Variants in SDC2 observed in about 807,000 individuals in gnomAD.
SDC2 encodes syndecan-2.
Under a neutral mutation model 22.2 loss-of-function variants are expected in SDC2, and 13 were observed. The observed-to-expected ratio is 0.59, with a 90% CI of 0.38 to 0.93. The LOEUF is 0.93. SDC2 is among the 40% of genes least tolerant of loss of function. The probability of loss-of-function intolerance (pLI) is 0.00; values close to 1 mark genes in which losing one functional copy is unlikely to be tolerated. For missense variants in SDC2, 235 were observed against 246.8 expected (o/e 0.95, Z 0.32); for synonymous variants, 94 against 92.8 (o/e 1.01, Z -0.07).
chr8:96,551,271 A>G (rs1814021973), intron 1 of SDC2, among the ~76,000 whole-genome samples: 1 of 152,154 alleles, frequency 6.6e-6, no homozygotes, highest in African/African-American at 2.4e-5. Context: ...ACTAAGTGGG[A>G]TTGAGAGAAA....
chr8:96,583,302 A>G (rs1814622264), intron 1 of SDC2, among the ~76,000 whole-genome samples: 1 of 147,064 alleles, frequency 6.8e-6, no homozygotes. Flanking sequence ...AATATACAAT[A>G]TATATGATAT....
intron 1 of SDC2, among the ~76,000 whole-genome samples, chr8:96,511,727 A>G (rs1464739991): frequency 2.0e-5 from 3 of 152,062 alleles, no homozygotes; most frequent in Admixed American, 2.0e-4. Flanking sequence ...TTTGGTTCAG[A>G]TAATGGAAGA....
At chr8:96,588,161 G>A (rs143754499) in intron 1 of SDC2, among the ~76,000 whole-genome samples, 33 of 152,270 alleles carry the variant, frequency 2.2e-4, no homozygotes, top group Non-Finnish European at 2.6e-4. Flanking sequence ...CAAGAGCTTC[G>A]GGCTCCAGTT....
intron 1 of SDC2, among the ~76,000 whole-genome samples, chr8:96,539,864 C>T (rs1249868191): frequency 2.0e-5 from 3 of 152,112 alleles, no homozygotes; most frequent in Non-Finnish European, 4.4e-5. Flanking sequence ...TAATTTAACC[C>T]TTACCTACCC....
intron 1 of SDC2, among the ~76,000 whole-genome samples, chr8:96,514,507 G>A (rs1030380994): frequency 2.0e-5 from 3 of 152,188 alleles, no homozygotes; most frequent in African/African-American, 7.2e-5. Flanking sequence ...CATGACCCAT[G>A]TGTCATAGTG....
intron 2 of SDC2, among the ~76,000 whole-genome samples, chr8:96,597,657 G>T (rs1487028522): frequency 6.6e-6 from 1 of 152,190 alleles, no homozygotes; most frequent in East Asian, 1.9e-4. Context: ...ACAAAAACAG[G>T]ATACTATAAA....
chr8:96,589,178 AC>A (rs1814735203), intron 1 of SDC2, among the ~76,000 whole-genome samples: 1 of 152,198 alleles, frequency 6.6e-6, no homozygotes, highest in Non-Finnish European at 1.5e-5. Context: ...GGCCTAAATC[AC>A]CATCGCTGTC....
chr8:96,534,902 T>C (rs2437774), intron 1 of SDC2, among the ~76,000 whole-genome samples: 128,977 of 152,206 alleles, frequency 0.85, 55,479 homozygotes, highest in Middle Eastern at 0.91. Flanking sequence ...CTGTTCTTGC[T>C]TTCTCACTGA....
At chr8:96,568,590 A>T (rs1249092187) in intron 1 of SDC2, among the ~76,000 whole-genome samples, 1 of 152,254 alleles carries the variant, frequency 6.6e-6, no homozygotes, top group Non-Finnish European at 1.5e-5. Context: ...GGTAGAAATA[A>T]ATACCACAGA....
At chr8:96,552,404 T>C (rs1194361530) in intron 1 of SDC2, among the ~76,000 whole-genome samples, 2 of 152,202 alleles carry the variant, frequency 1.3e-5, no homozygotes, top group African/African-American at 2.4e-5. Flanking sequence ...TAAATCGTGC[T>C]GTGTTGTTAC....
At chr8:96,497,301 T>C (rs1813091409) in intron 1 of SDC2, among the ~76,000 whole-genome samples, 1 of 152,146 alleles carries the variant, frequency 6.6e-6, no homozygotes, top group Non-Finnish European at 1.5e-5. Context: ...AAATTGCTTT[T>C]GCTAGGGAAT....
intron 1 of SDC2, chr8:96,537,461 G>A (rs1305959315): frequency 1.1e-5 from 1 of 94,258 alleles, no homozygotes; most frequent in Non-Finnish European, 2.3e-5. Flanking sequence ...TCCGAAAATT[G>A]TGAAAACCAT....
intron 1 of SDC2, among the ~76,000 whole-genome samples, chr8:96,548,762 C>T (rs559657678): frequency 1.6e-4 from 25 of 152,328 alleles, no homozygotes; most frequent in African/African-American, 5.5e-4. Flanking sequence ...TCTGTTTAAA[C>T]TCCCAGTTTT....
chr8:96,523,683 G>A (rs775079108), intron 1 of SDC2, among the ~76,000 whole-genome samples: 58 of 152,286 alleles, frequency 3.8e-4, no homozygotes, highest in Middle Eastern at 3.4e-3. Flanking sequence ...GTTATAAAAC[G>A]TTGGTTTAAA....
intron 1 of SDC2, among the ~76,000 whole-genome samples, chr8:96,584,671 C>T (rs949525158): frequency 6.6e-6 from 1 of 152,216 alleles, no homozygotes; most frequent in Non-Finnish European, 1.5e-5. Flanking sequence ...CTAGTCTAAA[C>T]TGTGGTCATA....
intron 1 of SDC2, among the ~76,000 whole-genome samples, chr8:96,530,624 ACT>A (rs1813645922): frequency 6.6e-6 from 1 of 152,136 alleles, no homozygotes; most frequent in South Asian, 2.1e-4. Context: ...ACAGAGTAAA[ACT>A]CTGTCTAAAA....
intron 1 of SDC2, among the ~76,000 whole-genome samples, chr8:96,538,031 C>T (rs963977201): frequency 2.0e-5 from 3 of 152,180 alleles, no homozygotes; most frequent in Admixed American, 6.5e-5. Context: ...AGTGCAATCT[C>T]GGCTCACTGC....
chr8:96,516,323 C>A (rs1208612426), intron 1 of SDC2, among the ~76,000 whole-genome samples: 1 of 152,100 alleles, frequency 6.6e-6, no homozygotes, highest in Non-Finnish European at 1.5e-5. Context: ...GAAATTATTC[C>A]TTTAAAAATA....
At chr8:96,541,078 CAA>C (rs934006077) in intron 1 of SDC2, among the ~76,000 whole-genome samples, 45 of 151,774 alleles carry the variant, frequency 3.0e-4, no homozygotes, top group African/African-American at 1.0e-3. Flanking sequence ...TATAGATAAA[CAA>C]AAATATTTTT....
Sources: allele counts gnomAD v4.1 joint callset (sites outside exome capture counted in the v4.1 genomes callset), GRCh38; gene constraint gnomAD v4.1.1; transcripts MANE v1.5; gene names NCBI Gene and HGNC (gene_info 2026-07-23, HGNC 2026-07-21).